Variants in GRIP2 observed in about 807,000 individuals in gnomAD.
GRIP2 encodes glutamate receptor-interacting protein 2.
GRIP2 carries 58 observed loss-of-function variants against 108.3 expected under a neutral mutation model. That is an observed-to-expected ratio of 0.54 (90% CI 0.43 to 0.67). GRIP2 has a LOEUF of 0.67. Among genes scored for constraint, GRIP2 ranks in the 30% least tolerant of loss-of-function variants. GRIP2 has a pLI of 0.00. For missense variants in GRIP2, 1,278 were observed against 1,430.6 expected (o/e 0.89, Z 1.72); for synonymous variants, 586 against 598.2 (o/e 0.98, Z 0.30).
chr3:14,558,317 G>A (rs991912071), upstream of GRIP2, among the ~76,000 whole-genome samples: 2 of 152,208 alleles, frequency 1.3e-5, no homozygotes, highest in Non-Finnish European at 2.9e-5. Flanking sequence ...TTGTGGGCCA[G>A]GCTGTGGGCC....
intron 1 of GRIP2, among the ~76,000 whole-genome samples, chr3:14,549,465 G>T (rs1435614337): frequency 6.6e-6 from 1 of 152,230 alleles, no homozygotes; most frequent in African/African-American, 2.4e-5. Flanking sequence ...CTTCAGTGGA[G>T]ACCCAGTGTG....
At chr3:14,592,831 C>A in the GRIP2 span, among the ~76,000 whole-genome samples, 1 of 152,178 alleles carries the variant, frequency 6.6e-6, no homozygotes. Flanking sequence ...TGGCCAGGAT[C>A]CTCCTCCCAG....
At chr3:14,573,812 TG>T in the GRIP2 span, 1 of 1,543,958 alleles carries the variant, frequency 6.5e-7, no homozygotes. Context: ...CGGCAAGCTC[TG>T]GGGCGCTGGA....
rs562071571 is a variant in GRIP2, at chr3:14,548,543, G to A, written c.55+7357C>T. Among the ~76,000 whole-genome samples, 9 of 152,334 alleles carry A rather than the reference G, an allele frequency of 5.9e-5. No homozygotes were observed. The South Asian group carries it at 1.4e-3, about 25-fold the overall frequency. ...CAGCTGTCATCCCGTGCCTGTGACC[G>A]GCTTTGGTGCCAGCGTCAGCCTGTG... On this transcript the variant is annotated intron_variant, in intron 1 of 23. Coordinates refer to the GRIP2 transcript ENST00000637182.
In GRIP2 at chr3:14,506,792, A is replaced by G. The variant is rs1489587438; in HGVS notation, c.2398+9T>C. 10 of 1,581,644 alleles carry G rather than the reference A, an allele frequency of 6.3e-6. No homozygotes were observed. The East Asian group carries it at 7.0e-5, about 11-fold the overall frequency. On this transcript the variant is annotated intron_variant, in intron 19 of 23. Transcript: ENST00000621039. ...GCGTGCCACTTGTCCAAGGGCCCCA[A>G]GGTATTACCTGGGCCCCCAAAGCCA...
chr3:14,559,611 G>C (rs182964272), upstream of GRIP2, among the ~76,000 whole-genome samples: 357 of 152,244 alleles, frequency 2.3e-3, no homozygotes, highest in African/African-American at 8.2e-3. Flanking sequence ...TGGGGGTGCA[G>C]GATCCACCAG....
intron 1 of GRIP2, among the ~76,000 whole-genome samples, chr3:14,533,729 C>A (rs529199513): frequency 9.9e-5 from 15 of 152,134 alleles, no homozygotes; most frequent in Admixed American, 5.9e-4. Context: ...AGTGCACTAC[C>A]GGGTGCTAAA....
rs1245000413 is a variant in GRIP2 at position 14,520,487 on chromosome 3, G to A, written c.763C>T (p.Pro255Ser). ...GPLMVEIVKT[P>S]GSALGISLTT... The stretch of plus-strand genomic sequence containing the variant: ...AGCGAGATCCCCAGGGCAGACCCTG[G>A]CGTCTTGACTATTTCCACCATCAAG... Residue 255 changes from proline (P) to serine (S), a missense_variant, in exon 8 of 24, where the codon CCA becomes TCA. Pro to Ser is a moderately conservative substitution (Grantham distance 74, BLOSUM62 -1). Coordinates refer to ENST00000621039, the MANE Select transcript of GRIP2 (RefSeq NM_001080423.4). The A allele has an allele frequency of 1.2e-6, 2 of 1,614,002 alleles. No homozygotes were observed. Among genetic ancestry groups the A allele is most frequent in the South Asian group, 1.1e-5 (1 of 91,078 alleles).
intron 3 of GRIP2, 89 bp from the exon 4 acceptor site, chr3:14,524,627 T>G: frequency 7.2e-7 from 1 of 1,381,256 alleles, no homozygotes; most frequent in Non-Finnish European, 9.8e-7. Context: ...GGAATCCCTA[T>G]GATCACTGGA....
At chr3:14,557,279 T>C (rs1017384699), upstream of GRIP2, among the ~76,000 whole-genome samples, 1 of 152,244 alleles carries the variant, frequency 6.6e-6, no homozygotes, top group Non-Finnish European at 1.5e-5. Flanking sequence ...AGCGAGGAAG[T>C]GATTCCCTTC....
the GRIP2 span, among the ~76,000 whole-genome samples, chr3:14,566,915 G>A: frequency 6.6e-6 from 1 of 152,052 alleles, no homozygotes; most frequent in African/African-American, 2.4e-5. Flanking sequence ...ATTGGAGGTG[G>A]GGTCCAATAA....
At chr3:14,553,431 G>C (rs969042515) in intron 1 of GRIP2, among the ~76,000 whole-genome samples, 1 of 152,108 alleles carries the variant, frequency 6.6e-6, no homozygotes, top group Non-Finnish European at 1.5e-5. Context: ...ATTTTCATGA[G>C]CTGCTCCCCT....
At chr3:14,520,311 G>A in intron 8 of GRIP2, 32 bp from the exon 9 acceptor site, 1 of 1,611,460 alleles carries the variant, frequency 6.2e-7, no homozygotes, top group South Asian at 1.1e-5. Flanking sequence ...GGCGGAGGCT[G>A]GTCCAGGCCA....
chr3:14,545,091 A>G (rs1235879753), upstream of GRIP2, among the ~76,000 whole-genome samples: 4 of 152,238 alleles, frequency 2.6e-5, no homozygotes, highest in African/African-American at 9.6e-5. Context: ...GACAGCCGCA[A>G]GAGCAAAGCA....
intron 1 of GRIP2, among the ~76,000 whole-genome samples, chr3:14,547,691 T>A (rs1695078488): frequency 6.6e-6 from 1 of 152,116 alleles, no homozygotes; most frequent in African/African-American, 2.4e-5. Flanking sequence ...ACCCTCCCCA[T>A]CCTCCTCCCC....
At chr3:14,499,137 T>C (rs1373889125) in intron 21 of GRIP2, among the ~76,000 whole-genome samples, 1 of 152,130 alleles carries the variant, frequency 6.6e-6, no homozygotes, top group Non-Finnish European at 1.5e-5. Flanking sequence ...GACCTCCGCA[T>C]GAAGGTGGGG....
At position 14,506,674 on chromosome 3, in the gene GRIP2, C is replaced by T. The variant is rs889008804; in HGVS notation, c.2398+127G>A. 34 of 870,286 alleles carry T rather than the reference C, an allele frequency of 3.9e-5. 1 individual carries two copies. The Admixed American group carries it at 9.8e-4, about 25-fold the overall frequency. The allele number at this position is 870,286 out of a possible 1,614,324, so 53.9% of individuals were successfully genotyped here. Reference sequence around the variant, plus strand: ...AAATCAGGTCTTCCTTCAGGAAGGGCCCCTAAAGGATGCCAGGAGAGGAGC... The same window carrying T: ...AAATCAGGTCTTCCTTCAGGAAGGGTCCCTAAAGGATGCCAGGAGAGGAGC... On this transcript the variant is annotated intron_variant, in intron 19 of 23. Transcript: ENST00000621039.
intron 21 of GRIP2, among the ~76,000 whole-genome samples, chr3:14,502,673 T>A (rs1693800030): frequency 6.6e-6 from 1 of 152,110 alleles, no homozygotes; most frequent in Non-Finnish European, 1.5e-5. Context: ...ACAGGTAAAT[T>A]CATAGCTTTA....
Position 14,507,585 on chromosome 3 carries a change from G to C in GRIP2, c.2194C>G (p.Leu732Val), listed in dbSNP as rs1232302337. Residue 732 changes from leucine to valine, a missense_variant, in exon 18 of 24, where the codon CTG becomes GTG. Coordinates refer to ENST00000621039, the MANE Select transcript of GRIP2 (RefSeq NM_001080423.4). The surrounding 1 kb of genome is among the most constrained non-coding windows in gnomAD (Gnocchi z 4.6). ...CGGTCTAGTTGCTTCTTGATCTTCA[G>C]TGTGACGGTCTCTCCAGCCACCTGC... ...LLQVAGETVT[L>V]KIKKQLDRPL... 6.2e-7 allele frequency: 1 copy of C among 1,613,942 alleles called. No individual in the cohort carries two copies. The highest frequency in any genetic ancestry group is 1.1e-5 in the South Asian group (1 of 91,084).
Sources: gnomAD v4.1 joint callset for allele counts (sites outside exome capture counted in the v4.1 genomes callset) on GRCh38, gnomAD v4.1.1 for gene constraint, Gnocchi (gnomAD v3.1) non-coding constraint, MANE v1.5 for transcripts, NCBI Gene and HGNC (gene_info 2026-07-23, HGNC 2026-07-21) for gene names.